Variants in ATRNL1 observed in about 807,000 individuals in gnomAD.
ATRNL1 encodes the protein attractin like 1.
Under a neutral mutation model 182.7 loss-of-function variants are expected in ATRNL1, and 95 were observed. That is an observed-to-expected ratio of 0.52 (90% CI 0.44 to 0.62). ATRNL1 has a LOEUF of 0.62. ATRNL1 is among the 20% of genes least tolerant of loss of function. The pLI is 0.00. For synonymous variants in ATRNL1, 576 were observed against 568.3 expected (o/e 1.01, Z -0.19); for missense variants, 1,471 against 1,679.5 (o/e 0.88, Z 2.17).
At chr10:115,263,192 TG>T (rs1554909256) in intron 10 of ATRNL1, among the ~76,000 whole-genome samples, 4 of 151,802 alleles carry the variant, frequency 2.6e-5, no homozygotes. Context: ...TAAATTTAAA[TG>T]AGCTGTTGAA....
At chr10:115,925,139 G>A (rs558412836) in intron 28 of ATRNL1, among the ~76,000 whole-genome samples, 9 of 152,112 alleles carry the variant, frequency 5.9e-5, no homozygotes, top group Non-Finnish European at 1.0e-4. Flanking sequence ...AGTTTAAGAC[G>A]TTTTGGGGCT....
intron 1 of ATRNL1, among the ~76,000 whole-genome samples, chr10:115,098,917 G>A (rs1318328994): frequency 6.6e-6 from 1 of 152,126 alleles, no homozygotes; most frequent in African/African-American, 2.4e-5. Flanking sequence ...TTAAGAGATT[G>A]AGGTATAATT....
chr10:115,712,293 C>T (rs150344597), intron 26 of ATRNL1, among the ~76,000 whole-genome samples: 74 of 152,308 alleles, frequency 4.9e-4, no homozygotes, highest in African/African-American at 1.8e-3. Context: ...AGACCAATTC[C>T]TACCCTTTAA....
chr10:115,383,900 TTTAC>T (rs1234842539), intron 19 of ATRNL1, among the ~76,000 whole-genome samples: 1 of 152,006 alleles, frequency 6.6e-6, no homozygotes, highest in Non-Finnish European at 1.5e-5. Context: ...TTATGTAAGT[TTTAC>T]TTTCTTTGAT....
chr10:115,583,984 C>T (rs1169305867), intron 26 of ATRNL1, among the ~76,000 whole-genome samples: 1 of 152,126 alleles, frequency 6.6e-6, no homozygotes. Flanking sequence ...TTGTCAAAGG[C>T]CTTTGCTGCT....
chr10:115,513,365 A>G (rs1369869201), intron 24 of ATRNL1, among the ~76,000 whole-genome samples: 1 of 151,972 alleles, frequency 6.6e-6, no homozygotes, highest in Non-Finnish European at 1.5e-5. Context: ...TGAGTAGTAG[A>G]AGACAGGATA....
At chr10:115,765,683 T>C (rs1156646688) in intron 27 of ATRNL1, among the ~76,000 whole-genome samples, 1 of 152,222 alleles carries the variant, frequency 6.6e-6, no homozygotes, top group Non-Finnish European at 1.5e-5. Flanking sequence ...GAATTAAGCC[T>C]TTGGTGTTAT....
intron 27 of ATRNL1, among the ~76,000 whole-genome samples, chr10:115,779,362 G>C (rs944262776): frequency 6.6e-6 from 1 of 152,200 alleles, no homozygotes; most frequent in Non-Finnish European, 1.5e-5. Flanking sequence ...CTAGGTCAGC[G>C]AGTCATCTGT....
intron 10 of ATRNL1, among the ~76,000 whole-genome samples, chr10:115,245,959 G>A (rs1225199806): frequency 6.6e-6 from 1 of 152,044 alleles, no homozygotes; most frequent in Non-Finnish European, 1.5e-5. Context: ...AAGCTTCATT[G>A]TATCCTTTGC....
chr10:115,591,302 G>A (rs1379807717), intron 26 of ATRNL1, among the ~76,000 whole-genome samples: 20 of 152,092 alleles, frequency 1.3e-4, no homozygotes, highest in African/African-American at 4.8e-4. Context: ...CACAGAAAAT[G>A]GGGTTTATGA....
At chr10:115,730,845 G>C (rs1444966861) in intron 27 of ATRNL1, among the ~76,000 whole-genome samples, 1 of 152,078 alleles carries the variant, frequency 6.6e-6, no homozygotes, top group Non-Finnish European at 1.5e-5. Context: ...TACCTTACAT[G>C]ATTACAAGGT....
intron 8 of ATRNL1, among the ~76,000 whole-genome samples, chr10:115,207,984 T>C (rs1848867695): frequency 6.6e-6 from 1 of 152,108 alleles, no homozygotes; most frequent in South Asian, 2.1e-4. Context: ...TCACTCTGGA[T>C]TAGGCTGCTT....
intron 25 of ATRNL1, among the ~76,000 whole-genome samples, chr10:115,530,561 A>C (rs1554987940): frequency 6.6e-6 from 1 of 152,184 alleles, no homozygotes; most frequent in Non-Finnish European, 1.5e-5. Context: ...ACATGGAAGC[A>C]AGCATGCAAG....
At chr10:115,098,831 G>T (rs147928574) in intron 1 of ATRNL1, among the ~76,000 whole-genome samples, 124 of 152,084 alleles carry the variant, frequency 8.2e-4, no homozygotes, top group African/African-American at 2.8e-3. Context: ...TGCCCTAATA[G>T]CACTATTTTT....
chr10:115,819,103 A>AC (rs1311117530), intron 27 of ATRNL1, among the ~76,000 whole-genome samples: 1 of 151,616 alleles, frequency 6.6e-6, no homozygotes, highest in African/African-American at 2.4e-5. Flanking sequence ...CTCTCTTTTT[A>AC]CCCCACCTGT....
At chr10:115,830,786 C>T (rs1199552738) in intron 27 of ATRNL1, among the ~76,000 whole-genome samples, 1 of 152,014 alleles carries the variant, frequency 6.6e-6, no homozygotes, top group Non-Finnish European at 1.5e-5. Flanking sequence ...GCGGTCATTT[C>T]CCATGGAAAA....
rs1554862328 is a variant in ATRNL1, at chr10:115,093,838, G to C, written c.88G>C (p.Gly30Arg). ...GGCTCGGCCGGCGGGCGGCGGCGGC[G>C]GGGGCGCCTCCTCCTGGCTGCTGGA... ...WRARPAGGGG[G>R]GASSWLLDGN... Residue 30 changes from glycine to arginine, a missense_variant, in exon 1 of 29, where the codon GGG (glycine) becomes CGG (arginine). Transcript: ENST00000355044. This position sits in a 1 kb window ranked among gnomAD's most constrained non-coding sequence, Gnocchi z 6.1. 2.0e-6 allele frequency: 3 copies of C among 1,525,906 alleles called. No individual in the cohort carries two copies. The highest frequency in any genetic ancestry group is 2.6e-6 in the Non-Finnish European group (3 of 1,140,494). 94.5% of individuals were successfully genotyped at this position (1,525,906 alleles called of 1,614,324 possible).
At chr10:115,340,762 G>A (rs183260529) in intron 19 of ATRNL1, among the ~76,000 whole-genome samples, 43 of 151,566 alleles carry the variant, frequency 2.8e-4, no homozygotes, top group Admixed American at 2.5e-3. Context: ...TCGGTAGGTT[G>A]TATCTGTGTA....
At chr10:115,674,924 A>G (rs897135239) in intron 26 of ATRNL1, among the ~76,000 whole-genome samples, 2 of 152,118 alleles carry the variant, frequency 1.3e-5, no homozygotes, top group Non-Finnish European at 2.9e-5. Context: ...TTTATGAAAT[A>G]TGTCATGACT....
Sources: allele counts gnomAD v4.1 joint callset (sites outside exome capture counted in the v4.1 genomes callset), GRCh38; gene constraint gnomAD v4.1.1; non-coding constraint Gnocchi (gnomAD v3.1); transcripts MANE v1.5; gene names NCBI Gene and HGNC (gene_info 2026-07-23, HGNC 2026-07-21).